The following SFMBT1 variants were observed in gnomAD, a reference collection of about 807,000 sequenced individuals.
The protein encoded by SFMBT1 is Scm like with four mbt domains 1.
In SFMBT1, 32 loss-of-function variants were observed where a neutral mutation model predicts 108.7. The ratio of observed to expected loss-of-function variants is 0.29; its 90% CI spans 0.22 to 0.40. The LOEUF is 0.40. Ranked by LOEUF, SFMBT1 falls within the 10% of genes least tolerant of loss-of-function variation. SFMBT1 has a pLI of 1.00. For synonymous variants in SFMBT1, 348 were observed against 369.5 expected, an observed-to-expected ratio of 0.94 and a Z score of 0.67; for missense variants, 816 against 1,059.6, an observed-to-expected ratio of 0.77 and a Z score of 3.19.
intron 4 of SFMBT1, among the ~76,000 whole-genome samples, chr3:52,936,630 C>A (rs1259925244): frequency 6.6e-6 from 1 of 152,134 alleles, no homozygotes; most frequent in Non-Finnish European, 1.5e-5. Flanking sequence ...AATTGCCTGA[C>A]CTAGTGCAGG....
At chr3:52,987,461 A>G (rs1306688408) in intron 1 of SFMBT1, among the ~76,000 whole-genome samples, 1 of 152,102 alleles carries the variant, frequency 6.6e-6, no homozygotes, top group Non-Finnish European at 1.5e-5. Context: ...CATCTCCATT[A>G]TAACTGTATG....
chr3:52,998,069 C>T (rs1698402737), intron 1 of SFMBT1, among the ~76,000 whole-genome samples: 1 of 150,454 alleles, frequency 6.6e-6, no homozygotes, highest in Non-Finnish European at 1.5e-5. Flanking sequence ...TAAATTACAG[C>T]ATGTATAACA....
intron 1 of SFMBT1, among the ~76,000 whole-genome samples, chr3:52,997,452 C>T (rs1486403796): frequency 4.7e-5 from 7 of 148,916 alleles, no homozygotes; most frequent in African/African-American, 1.7e-4. Context: ...AGGAGAATGG[C>T]GTGAACCCAG....
At chr3:53,017,664 A>G (rs188223869) in intron 1 of SFMBT1, among the ~76,000 whole-genome samples, 3 of 152,330 alleles carry the variant, frequency 2.0e-5, no homozygotes, top group African/African-American at 7.2e-5. Flanking sequence ...CAGTACTCAT[A>G]TGAAACAACC....
At chr3:53,004,254 TTCTCTC>T (rs765353610) in intron 1 of SFMBT1, among the ~76,000 whole-genome samples, 1 of 69,684 alleles carries the variant, frequency 1.4e-5, no homozygotes, top group Non-Finnish European at 3.6e-5. Context: ...TCTTTCTTCT[TTCTCTC>T]TCTCTCTCTC....
intron 1 of SFMBT1, among the ~76,000 whole-genome samples, chr3:53,030,058 TA>T (rs1359916304): frequency 6.6e-6 from 1 of 152,132 alleles, no homozygotes; most frequent in African/African-American, 2.4e-5. Flanking sequence ...CAATTATCAT[TA>T]GTCTATGGTA....
chr3:52,974,228 G>C (rs938962156), intron 1 of SFMBT1, among the ~76,000 whole-genome samples: 12 of 152,152 alleles, frequency 7.9e-5, no homozygotes, highest in Non-Finnish European at 1.8e-4. Flanking sequence ...TGAAATGTTT[G>C]AATTTGTACA....
intron 1 of SFMBT1, among the ~76,000 whole-genome samples, chr3:52,976,270 T>C (rs142782839): frequency 3.3e-5 from 5 of 152,212 alleles, no homozygotes; most frequent in African/African-American, 1.2e-4. Flanking sequence ...CAAAATAGTG[T>C]AATATTAGCA....
chr3:52,918,810 C>T (rs993301681), intron 12 of SFMBT1, among the ~76,000 whole-genome samples: 2 of 152,016 alleles, frequency 1.3e-5, no homozygotes, highest in Non-Finnish European at 2.9e-5. Context: ...GTTGGGAAAG[C>T]TCAATGAATA....
chr3:52,951,275 A>G (rs59643635), intron 3 of SFMBT1, among the ~76,000 whole-genome samples: 10,851 of 151,312 alleles, frequency 0.072, 1,202 homozygotes, highest in African/African-American at 0.23. Flanking sequence ...TAGTTAAGGC[A>G]TTTAAAGCAA....
At position 52,999,898 on chromosome 3, in the gene SFMBT1, G is replaced by A. The variant is rs1436630964; in HGVS notation, c.-130-30640C>T. On this transcript the variant is annotated intron_variant, in intron 1 of 20. Coordinates refer to ENST00000394752, the MANE Select transcript of SFMBT1 (RefSeq NM_016329.4). Reference sequence around the variant, plus strand: ...TTTGGAGACAGAGTATCGCTCTGTCGCCCAGGCTGGAATGCAGTGGCACAA... The same window carrying A: ...TTTGGAGACAGAGTATCGCTCTGTCACCCAGGCTGGAATGCAGTGGCACAA... Among the ~76,000 whole-genome samples, 6 of 149,826 alleles carry A rather than the reference G, an allele frequency of 4.0e-5. 1 individual carries two copies. Among genetic ancestry groups the A allele is most frequent in the Non-Finnish European group, 6.0e-5 (4 of 66,826 alleles).
At chr3:52,954,238 T>C (rs1198783898) in intron 3 of SFMBT1, 79 bp downstream of exon 3, 1 of 1,138,606 alleles carries the variant, frequency 8.8e-7, no homozygotes, top group Non-Finnish European at 1.3e-6. Flanking sequence ...TTAAAATAAC[T>C]TTAAATTCTC....
Position 52,906,099 on chromosome 3 carries a change from G to A in SFMBT1, c.2460+14C>T. 2 of 1,613,462 alleles carry A rather than the reference G, an allele frequency of 1.2e-6. No homozygotes were observed. Among genetic ancestry groups the A allele is most frequent in the Non-Finnish European group, 1.7e-6 (2 of 1,179,616 alleles). ...AAAGAGACATTACTAAAAATTATAG[G>A]TATCTGTGATTACCTGGTCTAGGAA... On this transcript the variant is annotated intron_variant, in intron 20 of 20. Coordinates refer to ENST00000394752, the MANE Select transcript of SFMBT1 (RefSeq NM_016329.4).
In SFMBT1 at chr3:52,952,654, C is replaced by A. The variant is rs184785624; in HGVS notation, c.123+1663G>T. Among the ~76,000 whole-genome samples the A allele has an allele frequency of 6.6e-5, 10 of 152,312 alleles. No homozygotes were observed. In the East Asian group the frequency reaches 1.9e-3, roughly 29 times the overall value. ...CTTTCTGCTTCAAAGATGGTGCCTT[C>A]TTGCTGTCTTCACATGGTGGAAGTT... On this transcript the variant is annotated intron_variant, in intron 3 of 20. Transcript: ENST00000394752.
intron 1 of SFMBT1, among the ~76,000 whole-genome samples, chr3:53,005,754 T>C (rs145855466): frequency 1.1e-4 from 16 of 152,364 alleles, no homozygotes; most frequent in Non-Finnish European, 2.2e-4. Flanking sequence ...TTCTCCTTTG[T>C]TGTCATCTTT....
rs558398366 is a variant in SFMBT1, at chr3:52,981,733, C to T, written c.-130-12475G>A. 4.6e-5 allele frequency among the ~76,000 whole-genome samples: 7 copies of T among 151,382 alleles called. No individual in the cohort carries two copies. The South Asian group carries it at 1.3e-3, about 27-fold the overall frequency. On this transcript the variant is annotated intron_variant, in intron 1 of 20. Transcript: ENST00000394752. ...CTCTATTTTGGGGGAAAATGTGCTA[C>T]AAAGGACATTAATTAGTAAGGAGAA...
intron 1 of SFMBT1, among the ~76,000 whole-genome samples, chr3:52,995,223 G>C (rs1266624520): frequency 2.0e-5 from 3 of 149,410 alleles, no homozygotes; most frequent in Non-Finnish European, 4.5e-5. Flanking sequence ...TTCAACAAAT[G>C]GTACAGAAAC....
At chr3:52,905,367 A>G (rs1702040668) in intron 20 of SFMBT1, 91 bp from the exon 21 acceptor site, 1 of 1,341,368 alleles carries the variant, frequency 7.5e-7, no homozygotes, top group Admixed American at 2.3e-5. Context: ...CTCTGTCAAA[A>G]CTGGAATCCC....
chr3:53,022,080 G>A lies in SFMBT1; in HGVS notation c.-131+23736C>T, dbSNP rs187488677. 1.1e-3 allele frequency among the ~76,000 whole-genome samples: 160 copies of A among 152,276 alleles called. 2 individuals are homozygous for A. Among genetic ancestry groups the A allele is most frequent in the Non-Finnish European group, 2.8e-4 (19 of 68,004 alleles). On this transcript the variant is annotated intron_variant, in intron 1 of 20. Transcript: ENST00000394752. ...AAAGTGGTTAAGAGGTGAAAATTAA[G>A]GCCTCACTTACTAGGTGAAACAAAG...
Sources: gnomAD v4.1 joint callset for allele counts (sites outside exome capture counted in the v4.1 genomes callset) on GRCh38, gnomAD v4.1.1 for gene constraint, MANE v1.5 for transcripts, NCBI Gene and HGNC (gene_info 2026-07-23, HGNC 2026-07-21) for gene names.